The following CFAP92 variants were observed in gnomAD, a reference collection of about 807,000 sequenced individuals.
CFAP92 encodes the protein uncharacterized protein CFAP92.
Under a neutral mutation model 106.3 loss-of-function variants are expected in CFAP92, and 86 were observed. The ratio of observed to expected loss-of-function variants is 0.81; its 90% CI spans 0.68 to 0.97. CFAP92 has a LOEUF of 0.97. Ranked by LOEUF, CFAP92 falls within the 50% of genes least tolerant of loss-of-function variation. The probability of loss-of-function intolerance (pLI) is 0.00; values close to 1 mark genes in which losing one functional copy is unlikely to be tolerated. For synonymous variants in CFAP92, 477 were observed against 506.4 expected, an observed-to-expected ratio of 0.94 and a Z score of 0.78; for missense variants, 1,204 against 1,283.8, an observed-to-expected ratio of 0.94 and a Z score of 0.95.
intron 9 of CFAP92, among the ~76,000 whole-genome samples, chr3:128,961,970 G>A (rs1195631836): frequency 2.0e-5 from 3 of 152,160 alleles, no homozygotes; most frequent in Admixed American, 2.0e-4. Flanking sequence ...TCCTCCCCCA[G>A]GAGCTTGCTA....
intron 12 of CFAP92, among the ~76,000 whole-genome samples, chr3:128,917,900 A>C (rs1936948574): frequency 6.6e-6 from 1 of 152,206 alleles, no homozygotes; most frequent in African/African-American, 2.4e-5. Flanking sequence ...AAGTGAGAAC[A>C]AGAAAATTTG....
rs781465491 is a variant in CFAP92, at chr3:128,910,152, G to GAGCCC, written c.*142_*146dup. On this transcript the variant is annotated 3_prime_UTR_variant, in exon 16 of 16. Coordinates refer to ENST00000645291, the MANE Select transcript of CFAP92 (RefSeq NM_001394090.1). ...GGCTCCGCAACCACGACCACGAGGTGAGCCCAGCCCAGCCTCACACAGGGC... is the reference window on the plus strand; with the variant it reads ...GGCTCCGCAACCACGACCACGAGGTGAGCCCAGCCCAGCCCAGCCTCACACAGGGC... 3 of 1,614,034 alleles carry GAGCCC rather than the reference G, an allele frequency of 1.9e-6. No homozygotes were observed. The highest frequency in any genetic ancestry group is 4.5e-5 in the East Asian group (2 of 44,884).
the CFAP92 span, among the ~76,000 whole-genome samples, chr3:129,025,918 G>T: frequency 6.6e-6 from 1 of 152,230 alleles, no homozygotes; most frequent in African/African-American, 2.4e-5. Flanking sequence ...CAGCTGGGCC[G>T]GGTCATTCCA....
intron 11 of CFAP92, among the ~76,000 whole-genome samples, chr3:128,933,598 C>T (rs750104284): frequency 1.3e-5 from 2 of 152,250 alleles, no homozygotes; most frequent in Non-Finnish European, 2.9e-5. Context: ...CCTTTGCACT[C>T]ACTGTCCCAG....
chr3:128,982,161 T>C (rs1943577082), intron 4 of CFAP92, among the ~76,000 whole-genome samples: 1 of 152,254 alleles, frequency 6.6e-6, no homozygotes, highest in Admixed American at 6.5e-5. Flanking sequence ...GAAGGCTGTC[T>C]CATCTACTCT....
chr3:129,024,489 C>T, the CFAP92 span, among the ~76,000 whole-genome samples: 39 of 151,810 alleles, frequency 2.6e-4, no homozygotes, highest in Admixed American at 4.6e-4. Flanking sequence ...CGAGATTGCA[C>T]CACTGCACTC....
chr3:128,979,713 C>A (rs1240854171), intron 4 of CFAP92, among the ~76,000 whole-genome samples: 1 of 151,534 alleles, frequency 6.6e-6, no homozygotes, highest in Non-Finnish European at 1.5e-5. Context: ...AACCAAACAC[C>A]GCATGTTCTC....
At chr3:128,992,244 A>C (rs1204736645) in intron 2 of CFAP92, among the ~76,000 whole-genome samples, 1 of 152,160 alleles carries the variant, frequency 6.6e-6, no homozygotes, top group African/African-American at 2.4e-5. Flanking sequence ...TTACATTCAG[A>C]GATTGATTCA....
At chr3:128,958,284 G>A (rs1054242532) in intron 9 of CFAP92, among the ~76,000 whole-genome samples, 1 of 152,178 alleles carries the variant, frequency 6.6e-6, no homozygotes, top group Non-Finnish European at 1.5e-5. Context: ...GGTTAGGGAT[G>A]GTGGGTGTTA....
Position 128,945,261 on chromosome 3 carries a change from G to A in CFAP92, c.2068C>T (p.Leu690=), listed in dbSNP as rs1940087385. Residue 690 remains leucine, a synonymous_variant, in exon 10 of 16, where the codon CTG becomes TTG. Coordinates refer to ENST00000645291, the MANE Select transcript of CFAP92 (RefSeq NM_001394090.1). ...ITMINAKALG[L]DSYPVRTLQQ... ...AGGGTCCTGACAGGGTAGGAGTCCA[G>A]GCCGAGGGCCTTAGCGTTGATCATG... 2.6e-6 allele frequency: 4 copies of A among 1,536,162 alleles called. No homozygotes were observed. The East Asian group carries it at 7.3e-5, about 28-fold the overall frequency.
intron 9 of CFAP92, among the ~76,000 whole-genome samples, chr3:128,947,643 C>A: frequency 1.3e-5 from 2 of 152,278 alleles, no homozygotes; most frequent in Middle Eastern, 6.8e-3. Flanking sequence ...GAAACTTCAA[C>A]GTAAACCTCA....
At chr3:128,938,312 A>G (rs191723663) in intron 10 of CFAP92, among the ~76,000 whole-genome samples, 1 of 152,158 alleles carries the variant, frequency 6.6e-6, no homozygotes, top group East Asian at 1.9e-4. Flanking sequence ...GTCTACCTAG[A>G]CTAGAGTTGA....
chr3:129,003,866 C>G (rs1036441528), upstream of CFAP92: 7 of 1,435,128 alleles, frequency 4.9e-6, no homozygotes, highest in African/African-American at 4.5e-5. Context: ...GGTGCGGGAG[C>G]TGCGTCAGGC....
At chr3:129,022,294 G>C in the CFAP92 span, among the ~76,000 whole-genome samples, 1 of 152,224 alleles carries the variant, frequency 6.6e-6, no homozygotes, top group African/African-American at 2.4e-5. Context: ...AAATGAAATA[G>C]AGGCTCAGAG....
At chr3:129,023,001 G>A in the CFAP92 span, among the ~76,000 whole-genome samples, 10 of 152,204 alleles carry the variant, frequency 6.6e-5, no homozygotes, top group Non-Finnish European at 1.3e-4. Flanking sequence ...GAACAGCCTC[G>A]GGTTCAGAGG....
At chr3:128,965,488 C>A (rs1463972601) in intron 9 of CFAP92, 23 bp downstream of exon 9, 1 of 398,892 alleles carries the variant, frequency 2.5e-6, no homozygotes, top group Non-Finnish European at 4.4e-6. Context: ...GCTCTAAACT[C>A]CATGGGTCCG....
rs757930252 is a variant in CFAP92 at position 128,945,536 on chromosome 3, T to C, written c.1793A>G (p.Gln598Arg). ...SCEVQPTHCG[Q>R]DSRRRKVVGL... is the part of the protein sequence containing the mutation. ...CACAACCTTCCTTCTCCTGCTGTCCTGGCCGCAGTGTGTGGGCTGAACCTC... is the reference window on the plus strand; with the variant it reads ...CACAACCTTCCTTCTCCTGCTGTCCCGGCCGCAGTGTGTGGGCTGAACCTC... The change falls in exon 10 of 16, where the codon CAG (glutamine) becomes CGG (arginine). Residue 598 changes from glutamine to arginine, a missense_variant. Physicochemically the swap from Gln to Arg is conservative, Grantham distance 43 (BLOSUM62 1). Transcript: ENST00000645291. 3.9e-6 allele frequency: 6 copies of C among 1,536,172 alleles called. No homozygotes were observed. The highest frequency in any genetic ancestry group is 1.2e-5 in the South Asian group (1 of 84,060).
At chr3:128,910,667 A>G in intron 15 of CFAP92, 4 of 1,409,302 alleles carry the variant, frequency 2.8e-6, no homozygotes, top group Non-Finnish European at 4.0e-6. Context: ...TTTGGCTGAT[A>G]GGCTGGGTTT....
chr3:129,002,351 G>A, intron 1 of CFAP92: 1 of 1,501,600 alleles, frequency 6.7e-7, no homozygotes, highest in Admixed American at 2.1e-5. Flanking sequence ...AAGGGAGGGT[G>A]GTAACGCCCG....
Sources: gnomAD v4.1 joint callset for allele counts (sites outside exome capture counted in the v4.1 genomes callset) on GRCh38, gnomAD v4.1.1 for gene constraint, MANE v1.5 for transcripts, NCBI Gene and HGNC (gene_info 2026-07-23, HGNC 2026-07-21) for gene names.